The following RUNDC3B variants were observed in gnomAD, a reference collection of about 807,000 sequenced individuals.
The protein encoded by RUNDC3B is RUN domain containing 3B.
RUNDC3B carries 33 observed loss-of-function variants against 58.4 expected under a neutral mutation model. That is an observed-to-expected ratio of 0.56 (90% CI 0.43 to 0.75). The LOEUF (loss-of-function observed/expected upper bound fraction) is 0.75, where lower values mean the gene tolerates loss of function less well. RUNDC3B is among the 30% of genes least tolerant of loss of function. RUNDC3B has a pLI of 0.00. For missense variants in RUNDC3B, 501 were observed against 535.7 expected, an observed-to-expected ratio of 0.94 and a Z score of 0.64; for synonymous variants, 193 against 195.2, an observed-to-expected ratio of 0.99 and a Z score of 0.10.
At chr7:87,768,717 C>G (rs1834109335) in intron 6 of RUNDC3B, among the ~76,000 whole-genome samples, 1 of 152,174 alleles carries the variant, frequency 6.6e-6, no homozygotes, top group African/African-American at 2.4e-5. Flanking sequence ...AATGGTCAGT[C>G]TCTCCCAGGC....
At chr7:87,685,592 C>T (rs999251593) in intron 2 of RUNDC3B, among the ~76,000 whole-genome samples, 10 of 152,106 alleles carry the variant, frequency 6.6e-5, no homozygotes, top group African/African-American at 2.4e-4. Flanking sequence ...CTAAAGATTA[C>T]GTATGATTCC....
At chr7:87,668,131 T>C (rs1178619456) in intron 2 of RUNDC3B, among the ~76,000 whole-genome samples, 3 of 151,834 alleles carry the variant, frequency 2.0e-5, no homozygotes, top group Non-Finnish European at 2.9e-5. Context: ...TTTTTTTTTT[T>C]GGTAGGCTAT....
intron 2 of RUNDC3B, among the ~76,000 whole-genome samples, chr7:87,698,313 G>A (rs1031154628): frequency 6.6e-6 from 1 of 152,094 alleles, no homozygotes; most frequent in Non-Finnish European, 1.5e-5. Flanking sequence ...TGTTAGCCAG[G>A]ATGGTCTCCT....
In RUNDC3B at chr7:87,670,655, T is replaced by C. The variant is rs531647235; in HGVS notation, c.238+19718T>C. On this transcript the variant is annotated intron_variant, in intron 2 of 10. Coordinates refer to ENST00000394654, the MANE Select transcript of RUNDC3B (RefSeq NM_001134405.2). ...TAAGTATAGTCAACAGACTTCTCTT[T>C]TGGATGTTTTCACCAGGCCAAGGCT... Among the ~76,000 whole-genome samples the C allele has an allele frequency of 9.8e-5, 15 of 152,342 alleles. No homozygotes were observed. The South Asian group carries it at 2.9e-3, about 29-fold the overall frequency.
chr7:87,700,837 G>A (rs1185911926), intron 3 of RUNDC3B, among the ~76,000 whole-genome samples: 1 of 152,160 alleles, frequency 6.6e-6, no homozygotes, highest in African/African-American at 2.4e-5. Context: ...CCTTTTCGCT[G>A]TGTTGATATT....
chr7:87,748,311 T>G (rs1353386613), intron 6 of RUNDC3B, among the ~76,000 whole-genome samples: 2 of 152,150 alleles, frequency 1.3e-5, no homozygotes, highest in Non-Finnish European at 2.9e-5. Flanking sequence ...CTTCCGCAGT[T>G]GGGGCACCCA....
At chr7:87,730,936 A>G (rs1208239585) in intron 4 of RUNDC3B, among the ~76,000 whole-genome samples, 1 of 152,106 alleles carries the variant, frequency 6.6e-6, no homozygotes, top group Non-Finnish European at 1.5e-5. Context: ...ATATCCCAGG[A>G]CATTTTCCCA....
chr7:87,684,519 C>G (rs1827244990), intron 2 of RUNDC3B, among the ~76,000 whole-genome samples: 1 of 151,908 alleles, frequency 6.6e-6, no homozygotes, highest in African/African-American at 2.4e-5. Context: ...GAGGCCGAGG[C>G]AGGCGGATCA....
intron 2 of RUNDC3B, among the ~76,000 whole-genome samples, chr7:87,665,743 C>T (rs1371504817): frequency 6.6e-6 from 1 of 151,990 alleles, no homozygotes; most frequent in Non-Finnish European, 1.5e-5. Context: ...TCCTTCTTTC[C>T]ATGTGTAGTC....
At chr7:87,808,823 A>G (rs1836566908) in intron 9 of RUNDC3B, among the ~76,000 whole-genome samples, 1 of 152,126 alleles carries the variant, frequency 6.6e-6, no homozygotes, top group African/African-American at 2.4e-5. Context: ...TTTTTAATTT[A>G]TGATTGAAAA....
chr7:87,781,191 G>C (rs1308166341), intron 8 of RUNDC3B, among the ~76,000 whole-genome samples: 3 of 152,086 alleles, frequency 2.0e-5, no homozygotes, highest in Non-Finnish European at 4.4e-5. Flanking sequence ...TCTCCTTGTA[G>C]AGATCTTTCA....
intron 6 of RUNDC3B, among the ~76,000 whole-genome samples, chr7:87,751,923 T>C (rs1833022544): frequency 6.6e-6 from 1 of 152,064 alleles, no homozygotes; most frequent in Middle Eastern, 3.2e-3. Flanking sequence ...TGAATAGGAG[T>C]GGTGAGAGAG....
chr7:87,745,549 AT>A (rs1832598230), intron 6 of RUNDC3B, among the ~76,000 whole-genome samples: 2 of 151,884 alleles, frequency 1.3e-5, no homozygotes, highest in South Asian at 2.1e-4. Flanking sequence ...GGAGGGTTGT[AT>A]TTTTCCATGA....
At chr7:87,741,632 C>A (rs1002445426) in intron 6 of RUNDC3B, 53 bp downstream of exon 6, 1 of 1,026,122 alleles carries the variant, frequency 9.7e-7, no homozygotes, top group Non-Finnish European at 1.5e-6. Flanking sequence ...AATTGAATGT[C>A]TTGTGCAATG....
chr7:87,657,285 A>G (rs1157886667), intron 2 of RUNDC3B, among the ~76,000 whole-genome samples: 1 of 152,152 alleles, frequency 6.6e-6, no homozygotes, highest in African/African-American at 2.4e-5. Context: ...CAAAGGGAAA[A>G]AAACAACAAC....
chr7:87,676,746 A>G (rs1414667386), intron 2 of RUNDC3B, among the ~76,000 whole-genome samples: 4 of 150,830 alleles, frequency 2.7e-5, no homozygotes, highest in Non-Finnish European at 5.9e-5. Flanking sequence ...TGCCTTTACC[A>G]TGTTCCATTA....
At chr7:87,663,686 T>C (rs1316782344) in intron 2 of RUNDC3B, among the ~76,000 whole-genome samples, 1 of 152,184 alleles carries the variant, frequency 6.6e-6, no homozygotes, top group African/African-American at 2.4e-5. Context: ...AATAATAACC[T>C]AATTCTCTGA....
intron 4 of RUNDC3B, among the ~76,000 whole-genome samples, chr7:87,722,071 T>C (rs1584004099): frequency 1.3e-5 from 2 of 152,010 alleles, no homozygotes; most frequent in Non-Finnish European, 2.9e-5. Context: ...TCCTTCTGCC[T>C]GTCTTTCCTT....
At chr7:87,642,597 T>C (rs760053733) in intron 1 of RUNDC3B, among the ~76,000 whole-genome samples, 13 of 151,978 alleles carry the variant, frequency 8.6e-5, no homozygotes, top group Non-Finnish European at 1.5e-4. Flanking sequence ...ATGAATCTTT[T>C]TGGAAAGTTT....
Sources: gnomAD v4.1 joint callset for allele counts (sites outside exome capture counted in the v4.1 genomes callset) on GRCh38, gnomAD v4.1.1 for gene constraint, MANE v1.5 for transcripts, NCBI Gene and HGNC (gene_info 2026-07-23, HGNC 2026-07-21) for gene names.